Variants in CCSER1 observed in about 807,000 individuals in gnomAD.
The protein encoded by CCSER1 is coiled-coil serine rich protein 1.
In CCSER1, 41 loss-of-function variants were observed where a neutral mutation model predicts 82.0. That is an observed-to-expected ratio of 0.50 (90% CI 0.39 to 0.65). The LOEUF is 0.65. Ranked by LOEUF, CCSER1 falls within the 30% of genes least tolerant of loss-of-function variation. The probability of loss-of-function intolerance (pLI) is 0.00; values close to 1 mark genes in which losing one functional copy is unlikely to be tolerated. For synonymous variants in CCSER1, 414 were observed against 383.9 expected (o/e 1.08, Z -0.92); for missense variants, 1,119 against 1,064.2 (o/e 1.05, Z -0.72).
At chr4:90,407,906 G>A (rs377134685) in intron 4 of CCSER1, among the ~76,000 whole-genome samples, 5 of 152,114 alleles carry the variant, frequency 3.3e-5, no homozygotes, top group Middle Eastern at 3.2e-3. Context: ...GGTGACAGAC[G>A]GCATCTGGAA....
chr4:90,276,433 A>G (rs1488514274), intron 1 of CCSER1, among the ~76,000 whole-genome samples: 3 of 140,312 alleles, frequency 2.1e-5, no homozygotes, highest in African/African-American at 8.0e-5. Context: ...TGCAACCTTC[A>G]CCTCCTGGAT....
intron 10 of CCSER1, among the ~76,000 whole-genome samples, chr4:91,189,325 A>T (rs1465558043): frequency 3.7e-4 from 57 of 152,306 alleles, no homozygotes; most frequent in African/African-American, 1.4e-3. Flanking sequence ...TGGATCTAAA[A>T]AATCAGGTTT....
At chr4:90,146,207 G>A (rs1394609499) in intron 1 of CCSER1, among the ~76,000 whole-genome samples, 2 of 152,012 alleles carry the variant, frequency 1.3e-5, no homozygotes, top group African/African-American at 2.4e-5. Flanking sequence ...AGTCTTTTGA[G>A]AAGTGAGCTC....
chr4:91,031,128 T>TGCG (rs1740944248), intron 9 of CCSER1, among the ~76,000 whole-genome samples: 1 of 152,190 alleles, frequency 6.6e-6, no homozygotes, highest in Non-Finnish European at 1.5e-5. Flanking sequence ...GCTCATTATA[T>TGCG]GATGTTCACG....
chr4:91,283,307 G>C (rs542786909), intron 10 of CCSER1, among the ~76,000 whole-genome samples: 1 of 151,944 alleles, frequency 6.6e-6, no homozygotes, highest in Admixed American at 6.6e-5. Flanking sequence ...AAATAATGCT[G>C]CTTTTTCTAT....
chr4:91,065,991 A>C (rs1360555856), intron 9 of CCSER1, among the ~76,000 whole-genome samples: 1 of 152,202 alleles, frequency 6.6e-6, no homozygotes, highest in African/African-American at 2.4e-5. Context: ...TTACTTTATC[A>C]AACATTCATC....
At chr4:91,068,759 T>C (rs1286277418) in intron 9 of CCSER1, among the ~76,000 whole-genome samples, 2 of 152,156 alleles carry the variant, frequency 1.3e-5, no homozygotes, top group African/African-American at 2.4e-5. Context: ...TGAGGGAAAT[T>C]TTAAAAGAAA....
intron 10 of CCSER1, among the ~76,000 whole-genome samples, chr4:91,432,377 T>C (rs1754379765): frequency 6.6e-6 from 1 of 152,226 alleles, no homozygotes; most frequent in African/African-American, 2.4e-5. Context: ...TGAATAACTC[T>C]CGATGTGTGT....
intron 6 of CCSER1, among the ~76,000 whole-genome samples, chr4:90,686,940 A>G (rs1734910433): frequency 6.6e-6 from 1 of 152,178 alleles, no homozygotes; most frequent in Non-Finnish European, 1.5e-5. Flanking sequence ...AAACCACCTT[A>G]CAAAACAATG....
intron 10 of CCSER1, among the ~76,000 whole-genome samples, chr4:91,208,235 G>A (rs1487502419): frequency 2.0e-5 from 3 of 151,650 alleles, no homozygotes; most frequent in Non-Finnish European, 3.0e-5. Context: ...GCTTTAATTA[G>A]GCCCCATTTG....
chr4:91,081,982 T>C (rs1391521348), intron 9 of CCSER1, among the ~76,000 whole-genome samples: 4 of 152,114 alleles, frequency 2.6e-5, no homozygotes, highest in Non-Finnish European at 5.9e-5. Context: ...AAAATGGCCA[T>C]ACTGCCCAAG....
intron 10 of CCSER1, among the ~76,000 whole-genome samples, chr4:91,453,712 A>C (rs2149422361): frequency 6.6e-6 from 1 of 152,200 alleles, no homozygotes; most frequent in African/African-American, 2.4e-5. Context: ...TCTATATCTT[A>C]GCTGAATCTA....
intron 9 of CCSER1, among the ~76,000 whole-genome samples, chr4:90,946,921 A>G (rs559730036): frequency 2.6e-5 from 4 of 152,286 alleles, no homozygotes; most frequent in African/African-American, 9.6e-5. Context: ...TGCTTGTGCT[A>G]TGTATCTATT....
At chr4:90,614,933 G>T (rs1053762031) in intron 5 of CCSER1, among the ~76,000 whole-genome samples, 3 of 152,126 alleles carry the variant, frequency 2.0e-5, no homozygotes, top group African/African-American at 7.2e-5. Flanking sequence ...TGACTTCAAA[G>T]CTTCCAAGGA....
chr4:90,798,785 C>G (rs2149690277), intron 7 of CCSER1, among the ~76,000 whole-genome samples: 1 of 152,318 alleles, frequency 6.6e-6, no homozygotes, highest in East Asian at 1.9e-4. Flanking sequence ...ACTATGTGCT[C>G]TCACTCTGGG....
At chr4:90,931,545 A>G (rs1729821344) in intron 9 of CCSER1, among the ~76,000 whole-genome samples, 1 of 152,180 alleles carries the variant, frequency 6.6e-6, no homozygotes, top group South Asian at 2.1e-4. Flanking sequence ...TAGTGATAAC[A>G]ATTTTTTCCG....
intron 4 of CCSER1, among the ~76,000 whole-genome samples, chr4:90,439,493 C>T (rs1319975566): frequency 6.6e-6 from 1 of 152,136 alleles, no homozygotes; most frequent in African/African-American, 2.4e-5. Context: ...TAATATATCC[C>T]TACCCTAATC....
At chr4:90,852,875 C>A (rs748514699) in intron 8 of CCSER1, among the ~76,000 whole-genome samples, 6 of 151,952 alleles carry the variant, frequency 3.9e-5, no homozygotes, top group Admixed American at 2.0e-4. Context: ...TACTATAGAG[C>A]GATTTATACT....
intron 10 of CCSER1, among the ~76,000 whole-genome samples, chr4:91,596,643 G>A (rs1764594169): frequency 6.6e-6 from 1 of 151,956 alleles, no homozygotes; most frequent in Admixed American, 6.6e-5. Context: ...CCCAAATGAC[G>A]AAAATGGAAT....
Sources: gnomAD v4.1 joint callset for allele counts (sites outside exome capture counted in the v4.1 genomes callset) on GRCh38, gnomAD v4.1.1 for gene constraint, MANE v1.5 for transcripts, NCBI Gene and HGNC (gene_info 2026-07-23, HGNC 2026-07-21) for gene names.